Variants in ARAP2 observed in about 807,000 individuals in gnomAD.
ARAP2 encodes the protein ArfGAP with RhoGAP domain, ankyrin repeat and PH domain 2.
A neutral mutation model predicts 194.5 loss-of-function variants in ARAP2; 148 were observed. That is an observed-to-expected ratio of 0.76 (90% CI 0.67 to 0.87). The LOEUF (loss-of-function observed/expected upper bound fraction) is 0.87, where lower values mean the gene tolerates loss of function less well. Among genes scored for constraint, ARAP2 ranks in the 40% least tolerant of loss-of-function variants. The pLI is 0.00. For missense variants in ARAP2, 2,128 were observed against 1,989.7 expected, an observed-to-expected ratio of 1.07 and a Z score of -1.32; for synonymous variants, 695 against 683.5, an observed-to-expected ratio of 1.02 and a Z score of -0.26.
intron 9 of ARAP2, among the ~76,000 whole-genome samples, chr4:36,168,768 A>G (rs899501839): frequency 1.3e-5 from 2 of 152,224 alleles, no homozygotes; most frequent in Non-Finnish European, 2.9e-5. Flanking sequence ...GATATAAAAG[A>G]AAAGATGCAG....
chr4:36,197,305 G>A (rs1743328890), intron 6 of ARAP2, among the ~76,000 whole-genome samples: 1 of 152,144 alleles, frequency 6.6e-6, no homozygotes, highest in African/African-American at 2.4e-5. Flanking sequence ...GACTATCATA[G>A]TTCCTCACGT....
rs761909531 is a variant in ARAP2, at chr4:36,210,625, C to G, written c.1252G>C (p.Val418Leu). 2.5e-6 allele frequency: 4 copies of G among 1,613,900 alleles called. No individual in the cohort carries two copies. The South Asian group carries it at 3.3e-5, about 13-fold the overall frequency. The change falls in exon 6 of 33, where the codon GTA becomes CTA. Residue 418 changes from valine to leucine, a missense_variant. Coordinates refer to ENST00000303965, the MANE Select transcript of ARAP2 (RefSeq NM_015230.4). The stretch of plus-strand genomic sequence containing the variant: ...CTTAAACTCTGAAAGCATTCTTCTA[C>G]TGTTGAGTATTCTGATTCAGAAGCA... The part of the protein sequence containing the change: ...DTASESEYST[V>L]EECFQSLRRK...
intron 16 of ARAP2, 66 bp downstream of exon 16, chr4:36,150,834 T>C (rs936002243): frequency 1.9e-5 from 29 of 1,513,434 alleles, no homozygotes; most frequent in Non-Finnish European, 2.6e-5. Flanking sequence ...ATAACAAAAC[T>C]CTCATTACCT....
intron 26 of ARAP2, among the ~76,000 whole-genome samples, chr4:36,112,099 T>A (rs185980741): frequency 6.6e-6 from 1 of 151,998 alleles, no homozygotes; most frequent in South Asian, 2.1e-4. Flanking sequence ...CACATTTGGA[T>A]GCATCTATAC....
intron 15 of ARAP2, among the ~76,000 whole-genome samples, chr4:36,158,088 G>C (rs1014872145): frequency 6.6e-6 from 1 of 152,062 alleles, no homozygotes; most frequent in Non-Finnish European, 1.5e-5. Flanking sequence ...ATATACATGA[G>C]CATAAGGACT....
At chr4:36,148,711 T>C (rs1459452924) in intron 16 of ARAP2, among the ~76,000 whole-genome samples, 2 of 152,208 alleles carry the variant, frequency 1.3e-5, no homozygotes, top group African/African-American at 4.8e-5. Context: ...GAATATTTTG[T>C]ATAATCATTT....
At chr4:36,006,121 G>C (rs1264961799) in intron 10 of ARAP2, 4 of 152,200 alleles carry the variant, frequency 2.6e-5, no homozygotes, top group African/African-American at 9.7e-5. Flanking sequence ...GATGAGAAGG[G>C]AGAAGGGTTA....
At chr4:36,130,749 G>A (rs73809103) in intron 20 of ARAP2, among the ~76,000 whole-genome samples, 3,394 of 151,714 alleles carry the variant, frequency 0.022, 115 homozygotes, top group African/African-American at 0.077. Context: ...GTATATATCC[G>A]GCAGTTACAC....
At chr4:36,144,947 G>T (rs1390845305) in intron 19 of ARAP2, among the ~76,000 whole-genome samples, 1 of 151,802 alleles carries the variant, frequency 6.6e-6, no homozygotes, top group African/African-American at 2.4e-5. Flanking sequence ...TTTCCCTTAT[G>T]ATTTTAATAG....
chr4:36,215,202 C>T (rs890303640), intron 2 of ARAP2, among the ~76,000 whole-genome samples: 1 of 152,152 alleles, frequency 6.6e-6, no homozygotes, highest in Non-Finnish European at 1.5e-5. Context: ...TCTAAAACTA[C>T]AGTAATCCAA....
At chr4:36,230,160 G>A (rs1451415437) in intron 1 of ARAP2, among the ~76,000 whole-genome samples, 3 of 152,122 alleles carry the variant, frequency 2.0e-5, no homozygotes, top group Admixed American at 6.6e-5. Flanking sequence ...CAGTGTCTAT[G>A]TGCTACTCAA....
In ARAP2 at chr4:36,121,379, T is replaced by C. The variant is rs565164200; in HGVS notation, c.3747-53A>G. 1.4e-5 allele frequency: 21 copies of C among 1,480,980 alleles called. No individual in the cohort carries two copies. In the Admixed American group the frequency reaches 1.5e-4, roughly 11 times the overall value. 91.7% of individuals were successfully genotyped at this position (1,480,980 alleles called of 1,614,324 possible). A position where few individuals can be genotyped will look rare whatever the true frequency, so the allele number is the denominator to read the frequency against. The stretch of plus-strand genomic sequence containing the variant: ...GATACACTTTTATTTGGAAATTTCA[T>C]AGAACAGAAAGCCAGTTTATCAATT... On this transcript the variant is annotated intron_variant, in intron 22 of 32. Transcript: ENST00000303965.
At chr4:36,173,662 G>GA (rs950899182) in intron 9 of ARAP2, among the ~76,000 whole-genome samples, 10 of 150,958 alleles carry the variant, frequency 6.6e-5, no homozygotes, top group Admixed American at 3.3e-4. Context: ...GACAATTTGA[G>GA]AAAAAAAAAT....
chr4:36,068,972 T>G (rs1376815266), intron 32 of ARAP2, among the ~76,000 whole-genome samples: 1 of 152,248 alleles, frequency 6.6e-6, no homozygotes, highest in African/African-American at 2.4e-5. Context: ...TGAATCTCAC[T>G]TCATACTTGC....
At chr4:36,148,544 T>C in intron 16 of ARAP2, 37 bp from the exon 17 acceptor site, 2 of 1,447,116 alleles carry the variant, frequency 1.4e-6, no homozygotes, top group Non-Finnish European at 1.9e-6. Context: ...CTACCAGTTA[T>C]ATTTAGCTCT....
chr4:36,077,686 C>G (rs1482687217), intron 31 of ARAP2, among the ~76,000 whole-genome samples: 1 of 152,110 alleles, frequency 6.6e-6, no homozygotes, highest in Non-Finnish European at 1.5e-5. Context: ...ACCCTCTACA[C>G]TGCAGACTCA....
intron 9 of ARAP2, among the ~76,000 whole-genome samples, chr4:36,168,919 T>G (rs1735928455): frequency 6.6e-6 from 1 of 152,228 alleles, no homozygotes; most frequent in South Asian, 2.1e-4. Flanking sequence ...CTGCCGCATT[T>G]TAATAAGTTT....
At chr4:36,229,966 T>C (rs976042374) in intron 1 of ARAP2, among the ~76,000 whole-genome samples, 1 of 152,214 alleles carries the variant, frequency 6.6e-6, no homozygotes, top group South Asian at 2.1e-4. Flanking sequence ...GTCAGTAAGA[T>C]TGGATTCAAG....
intron 1 of ARAP2, among the ~76,000 whole-genome samples, chr4:36,232,071 G>A (rs1664308529): frequency 6.6e-6 from 1 of 152,192 alleles, no homozygotes; most frequent in Admixed American, 6.5e-5. Flanking sequence ...GCTAGGAAGA[G>A]GAATCTCACT....
Sources: allele counts gnomAD v4.1 joint callset (sites outside exome capture counted in the v4.1 genomes callset), GRCh38; gene constraint gnomAD v4.1.1; transcripts MANE v1.5; gene names NCBI Gene and HGNC (gene_info 2026-07-23, HGNC 2026-07-21).